CDH4: variants seen among roughly 807,000 people sequenced by gnomAD.
CDH4 encodes cadherin-4.
Under a neutral mutation model 86.0 loss-of-function variants are expected in CDH4, and 33 were observed. That is an observed-to-expected ratio of 0.38 (90% CI 0.29 to 0.51). CDH4 has a LOEUF of 0.51. Among genes scored for constraint, CDH4 ranks in the 20% least tolerant of loss-of-function variants. CDH4 has a pLI of 0.86. For synonymous variants in CDH4, 555 were observed against 549.4 expected (o/e 1.01, Z -0.14); for missense variants, 1,114 against 1,307.4 (o/e 0.85, Z 2.28).
At chr20:61,644,527 C>T (rs1482960568) in intron 2 of CDH4, among the ~76,000 whole-genome samples, 2 of 152,156 alleles carry the variant, frequency 1.3e-5, no homozygotes, top group Non-Finnish European at 1.5e-5. Flanking sequence ...CTTTGAATGA[C>T]GTGAGCGGGC....
intron 2 of CDH4, among the ~76,000 whole-genome samples, chr20:61,606,894 C>T (rs917379667): frequency 1.3e-4 from 20 of 152,374 alleles, no homozygotes; most frequent in East Asian, 5.8e-4. Flanking sequence ...AGGCTACCGC[C>T]GGGATGTCCT....
At chr20:61,546,466 C>T (rs1027087744) in intron 2 of CDH4, among the ~76,000 whole-genome samples, 2 of 151,748 alleles carry the variant, frequency 1.3e-5, no homozygotes, top group Admixed American at 6.6e-5. Flanking sequence ...CTCAGTGCTT[C>T]TAGGATCCAG....
At chr20:61,638,294 C>T (rs2086970185) in intron 2 of CDH4, among the ~76,000 whole-genome samples, 1 of 152,186 alleles carries the variant, frequency 6.6e-6, no homozygotes, top group African/African-American at 2.4e-5. Flanking sequence ...CTGCTCACCA[C>T]ATTGCTGAAT....
intron 2 of CDH4, among the ~76,000 whole-genome samples, chr20:61,728,240 C>G (rs1482867040): frequency 6.6e-6 from 1 of 152,166 alleles, no homozygotes; most frequent in Non-Finnish European, 1.5e-5. Context: ...CTAAGCATAA[C>G]CACCTGTTTA....
chr20:61,935,716 G>A (rs551111429), intron 15 of CDH4, among the ~76,000 whole-genome samples: 27 of 152,040 alleles, frequency 1.8e-4, no homozygotes, highest in African/African-American at 5.1e-4. Context: ...TGAGACCCCC[G>A]TCTCTACTAA....
intron 2 of CDH4, among the ~76,000 whole-genome samples, chr20:61,707,069 G>A (rs553060287): frequency 1.3e-5 from 2 of 152,202 alleles, no homozygotes; most frequent in African/African-American, 2.4e-5. Flanking sequence ...ATCTTCCCTG[G>A]GATAAAACAG....
At chr20:61,312,497 G>T (rs4810231) in intron 2 of CDH4, among the ~76,000 whole-genome samples, 86,803 of 151,590 alleles carry the variant, frequency 0.57, 25,964 homozygotes, top group Non-Finnish European at 0.66. Context: ...GCCAGCCCCC[G>T]GGTGCACAGG....
Position 61,383,279 on chromosome 20 carries a change from A to ATGTGATATATATGAATATATG in CDH4, c.169+128344_169+128345insTGATATATATGAATATATGTG, listed in dbSNP as rs1398655725. Among the ~76,000 whole-genome samples the ATGTGATATATATGAATATATG allele has an allele frequency of 3.7e-5, 4 of 108,548 alleles. 2 individuals are homozygous for ATGTGATATATATGAATATATG. The highest frequency in any genetic ancestry group is 1.6e-4 in the African/African-American group (4 of 25,782). The allele number at this position is 108,548 out of a possible 152,430, so 71.2% of individuals were successfully genotyped here. The stretch of plus-strand genomic sequence containing the variant: ...GAATATATGTGATATATATGAATAT[A>ATGTGATATATATGAATATATG]TGATATATATGAATATATGTGATAT... On this transcript the variant is annotated intron_variant, in intron 2 of 15. Transcript: ENST00000614565.
chr20:61,806,095 G>A (rs1441407396), intron 4 of CDH4, among the ~76,000 whole-genome samples: 3 of 152,252 alleles, frequency 2.0e-5, no homozygotes, highest in Non-Finnish European at 2.9e-5. Context: ...TAGAATGGCT[G>A]CAGGATGTCA....
At chr20:61,404,433 C>A (rs2085068248) in intron 2 of CDH4, among the ~76,000 whole-genome samples, 1 of 152,148 alleles carries the variant, frequency 6.6e-6, no homozygotes, top group African/African-American at 2.4e-5. Context: ...AAATTTCACG[C>A]TTCTTGCCTT....
intron 2 of CDH4, among the ~76,000 whole-genome samples, chr20:61,273,641 T>G (rs796637331): frequency 2.0e-3 from 247 of 122,048 alleles, no homozygotes; most frequent in African/African-American, 7.6e-3. Context: ...TGCAGTTTTT[T>G]GGGGGAGTAC....
At position 61,516,972 on chromosome 20, in the gene CDH4, C is replaced by T. The variant is rs1184047612; in HGVS notation, c.170-226591C>T. ...GTTTTCAATGTATTGGGATGTCATG[C>T]ACGCCCTGAAAAATGCAGGCATGAT... On this transcript the variant is annotated intron_variant, in intron 2 of 15. Coordinates refer to ENST00000614565, the MANE Select transcript of CDH4 (RefSeq NM_001794.5). This position sits in a 1 kb window ranked among gnomAD's most constrained non-coding sequence, Gnocchi z 4.0. Among the ~76,000 whole-genome samples, 4 of 152,156 alleles carry T rather than the reference C, an allele frequency of 2.6e-5. No homozygotes were observed. Among genetic ancestry groups the T allele is most frequent in the Non-Finnish European group, 1.5e-5 (1 of 68,024 alleles).
chr20:61,517,456 A>G lies in CDH4; in HGVS notation c.170-226107A>G, dbSNP rs146673881. ...GCAATCCTCCCACCTTGGCCTCCCA[A>G]AGTGCTGGGATTGCAGGTATGAGCC... is the stretch of plus-strand genomic sequence containing the variant. On this transcript the variant is annotated intron_variant, in intron 2 of 15. Coordinates refer to ENST00000614565, the MANE Select transcript of CDH4 (RefSeq NM_001794.5). This position sits in a 1 kb window ranked among gnomAD's most constrained non-coding sequence, Gnocchi z 6.6. Among the ~76,000 whole-genome samples, 1 of 152,238 alleles carries G rather than the reference A, an allele frequency of 6.6e-6. No individual in the cohort carries two copies. The highest frequency in any genetic ancestry group is 1.9e-4 in the East Asian group (1 of 5,172).
At chr20:61,458,381 T>TC (rs1568852316) in intron 2 of CDH4, among the ~76,000 whole-genome samples, 1 of 138,704 alleles carries the variant, frequency 7.2e-6, no homozygotes, top group Non-Finnish European at 1.6e-5. Flanking sequence ...GTGGTGATGG[T>TC]ATGGTGATGG....
chr20:61,374,864 G>T (rs1452030694), intron 2 of CDH4, among the ~76,000 whole-genome samples: 1 of 152,224 alleles, frequency 6.6e-6, no homozygotes, highest in Non-Finnish European at 1.5e-5. Context: ...GAAGCGTGCC[G>T]CCTGGAGGCT....
In CDH4 at chr20:61,305,408, G is replaced by C. The variant is rs780524928; in HGVS notation, c.169+50471G>C. ...CTGCTGAATGCGGATTCCCACTCCCGGGGGAGGTGGGGCCTGAGAGTCTGC... is the reference window on the plus strand; with the variant it reads ...CTGCTGAATGCGGATTCCCACTCCCCGGGGAGGTGGGGCCTGAGAGTCTGC... On this transcript the variant is annotated intron_variant, in intron 2 of 15. Coordinates refer to ENST00000614565, the MANE Select transcript of CDH4 (RefSeq NM_001794.5). 2.0e-5 allele frequency among the ~76,000 whole-genome samples: 3 copies of C among 152,166 alleles called. No individual in the cohort carries two copies. The East Asian group carries it at 5.8e-4, about 29-fold the overall frequency.
intron 2 of CDH4, among the ~76,000 whole-genome samples, chr20:61,347,005 C>A (rs2084682933): frequency 6.6e-6 from 1 of 152,192 alleles, no homozygotes; most frequent in Non-Finnish European, 1.5e-5. Context: ...TGTCTAATAA[C>A]ATGGTTTCAT....
At chr20:61,876,298 G>A (rs147547518) in intron 7 of CDH4, among the ~76,000 whole-genome samples, 35 of 152,384 alleles carry the variant, frequency 2.3e-4, no homozygotes, top group African/African-American at 7.7e-4. Context: ...CAAAAGGGCA[G>A]TGGGGATGCT....
chr20:61,707,132 A>G (rs2087840264), intron 2 of CDH4, among the ~76,000 whole-genome samples: 1 of 152,270 alleles, frequency 6.6e-6, no homozygotes, highest in South Asian at 2.1e-4. Flanking sequence ...ATGTCTGGAC[A>G]GAGTGCCGGG....
Sources: allele counts gnomAD v4.1 joint callset (sites outside exome capture counted in the v4.1 genomes callset), GRCh38; gene constraint gnomAD v4.1.1; non-coding constraint Gnocchi (gnomAD v3.1); transcripts MANE v1.5; gene names NCBI Gene and HGNC (gene_info 2026-07-23, HGNC 2026-07-21).